Variants in PHF8 observed in about 807,000 individuals in gnomAD.
PHF8 encodes the protein PHD finger protein 8.
Under a neutral mutation model 74.4 loss-of-function variants are expected in PHF8, and 9 were observed. The ratio of observed to expected loss-of-function variants is 0.12; its 90% CI spans 0.07 to 0.21. PHF8 has a LOEUF of 0.21. Among genes scored for constraint, PHF8 ranks in the 10% least tolerant of loss-of-function variants. The pLI is 1.00. For missense variants in PHF8, 478 were observed against 816.6 expected (o/e 0.59, Z 5.05); for synonymous variants, 311 against 316.6 (o/e 0.98, Z 0.19).
chrX:53,977,116 C>T (rs2065391350), intron 18 of PHF8, among the ~76,000 whole-genome samples: 1 of 111,821 alleles, frequency 8.9e-6, no homozygotes, highest in Non-Finnish European at 1.9e-5. Flanking sequence ...GGGTGGATTA[C>T]TTAAGGTCAG....
intron 19 of PHF8, among the ~76,000 whole-genome samples, chrX:53,957,283 G>A (rs2065029279): frequency 9.1e-6 from 1 of 110,421 alleles, no homozygotes; most frequent in South Asian, 3.9e-4. Flanking sequence ...AACCCAGGAG[G>A]CGGAGGTTGC....
At chrX:54,036,751 C>T (rs1603344615) in intron 2 of PHF8, among the ~76,000 whole-genome samples, 1 of 109,194 alleles carries the variant, frequency 9.2e-6, no homozygotes, top group South Asian at 3.9e-4. Flanking sequence ...GTAATCCCAA[C>T]ACTTTGGGAG....
rs781891505 is a variant in PHF8, at chrX:54,029,558, T to C, written c.99-6715A>G. Reference sequence around the variant, plus strand: ...CCATGGTCTCTCTCTCAACTTACCATGCAGTTTTAATATGCTATTTACTGT... The same window carrying C: ...CCATGGTCTCTCTCTCAACTTACCACGCAGTTTTAATATGCTATTTACTGT... On this transcript the variant is annotated intron_variant, in intron 2 of 21. Coordinates refer to ENST00000338154, the MANE Select transcript of PHF8 (RefSeq NM_015107.3). 1.3e-3 allele frequency among the ~76,000 whole-genome samples: 149 copies of C among 112,484 alleles called. 1 individual carries two copies. The highest frequency in any genetic ancestry group is 3.8e-3 in the Admixed American group (41 of 10,660).
intron 2 of PHF8, among the ~76,000 whole-genome samples, chrX:54,030,771 T>G (rs781969303): frequency 8.9e-6 from 1 of 112,154 alleles, no homozygotes; most frequent in East Asian, 2.8e-4. Flanking sequence ...AGGTTTAAAG[T>G]ACAGGCTTAG....
At chrX:53,980,296 A>G (rs2065459281) in intron 18 of PHF8, among the ~76,000 whole-genome samples, 1 of 111,651 alleles carries the variant, frequency 9.0e-6, no homozygotes, top group South Asian at 3.8e-4. Flanking sequence ...TAATTAAGTT[A>G]AAATGAGACC....
At chrX:53,980,206 T>C (rs1361068432) in intron 18 of PHF8, among the ~76,000 whole-genome samples, 1 of 110,999 alleles carries the variant, frequency 9.0e-6, no homozygotes, top group Non-Finnish European at 1.9e-5. Flanking sequence ...TTGAATGGTG[T>C]CCCCTAAAAT....
intron 20 of PHF8, among the ~76,000 whole-genome samples, chrX:53,942,230 C>T (rs2064762779): frequency 9.0e-6 from 1 of 111,711 alleles, no homozygotes; most frequent in East Asian, 2.8e-4. Context: ...TTACACTTAG[C>T]CAACCCATAA....
intron 10 of PHF8, among the ~76,000 whole-genome samples, chrX:54,001,659 G>A (rs1436557654): frequency 8.9e-6 from 1 of 112,352 alleles, no homozygotes; most frequent in Non-Finnish European, 1.9e-5. Context: ...GCTCATGCCT[G>A]TAACCCCAGC....
At chrX:53,997,645 C>T (rs1212280756) in intron 11 of PHF8, among the ~76,000 whole-genome samples, 3 of 111,783 alleles carry the variant, frequency 2.7e-5, no homozygotes, top group African/African-American at 9.8e-5. Flanking sequence ...CTACTCTACT[C>T]CAGCTCCCAC....
Position 53,993,806 on chromosome X carries a change from G to C in PHF8, c.1421C>G (p.Ser474Cys). The C allele has an allele frequency of 8.3e-7, 1 of 1,208,220 alleles. No homozygotes were observed. The highest frequency in any genetic ancestry group is 1.1e-6 in the Non-Finnish European group (1 of 891,975). ...CAGCCTGGACATGGACACTGAAGTG[G>C]AATGGGCTGGCCTGGTTAGGGGAAT... ...GSIPLTRPAH[S>C]TSVSMSRLSL... Residue 474 changes from serine to cysteine, a missense_variant, in exon 13 of 22, where the codon TCC (serine) becomes TGC (cysteine). Transcript: ENST00000338154.
intron 19 of PHF8, among the ~76,000 whole-genome samples, chrX:53,960,200 C>T (rs1426734374): frequency 9.3e-6 from 1 of 107,909 alleles, no homozygotes; most frequent in African/African-American, 3.4e-5. Flanking sequence ...CTCAGCCTCC[C>T]GAGTAGCTGG....
chrX:53,984,222 C>T (rs1557098806), intron 18 of PHF8, among the ~76,000 whole-genome samples: 2 of 111,196 alleles, frequency 1.8e-5, no homozygotes, highest in African/African-American at 6.5e-5. Context: ...AAAAATTAGC[C>T]AGGCGTGATA....
At position 53,993,817 on chromosome X, in the gene PHF8, C is replaced by G; in HGVS notation, c.1410G>C (p.Arg470Ser). 8.3e-7 allele frequency: 1 copy of G among 1,207,656 alleles called. No individual in the cohort carries two copies. The highest frequency in any genetic ancestry group is 1.1e-6 in the Non-Finnish European group (1 of 891,640). Residue 470 changes from arginine to serine, a missense_variant, in exon 13 of 22, where the codon AGG becomes AGC. Arg to Ser is a moderately radical substitution (Grantham distance 110). Around this residue, in one of 9 missense-constraint regions of PHF8, gnomAD observed 153 missense variants for 164.8 expected, o/e 0.93. Transcript: ENST00000338154. ...TGGACACTGAAGTGGAATGGGCTGG[C>G]CTGGTTAGGGGAATGGAGCCGGCTG... ...IFPAGSIPLT[R>S]PAHSTSVSMS...
At chrX:53,998,463 TAAATAAAATA>T (rs373368055) in intron 11 of PHF8, among the ~76,000 whole-genome samples, 21 of 109,119 alleles carry the variant, frequency 1.9e-4, no homozygotes, top group Admixed American at 3.0e-4. Context: ...CATAAATAAA[TAAATAAAATA>T]AAATAAAATA....
chrX:54,026,091 C>T (rs888350222), intron 2 of PHF8, among the ~76,000 whole-genome samples: 6 of 111,633 alleles, frequency 5.4e-5, no homozygotes, highest in Non-Finnish European at 1.1e-4. Context: ...CGGTGGCTCA[C>T]GCCTGTAATC....
chrX:53,995,581 G>A (rs2065733983), intron 12 of PHF8, 112 bp downstream of exon 12: 1 of 518,514 alleles, frequency 1.9e-6, no homozygotes, highest in Non-Finnish European at 3.5e-6. Flanking sequence ...TCTTTGGTAG[G>A]GTCTTCCCGA....
intron 20 of PHF8, chrX:53,943,307 T>G: frequency 2.2e-6 from 2 of 905,396 alleles, no homozygotes; most frequent in Non-Finnish European, 3.1e-6. Flanking sequence ...GAAAGTAATA[T>G]GAAATTTGAA....
At chrX:53,952,621 C>T (rs782087938) in intron 19 of PHF8, among the ~76,000 whole-genome samples, 4 of 110,825 alleles carry the variant, frequency 3.6e-5, no homozygotes, top group East Asian at 2.8e-4. Context: ...CGGTGGCTCA[C>T]GCCTGTAATC....
chrX:54,037,239 T>G (rs149330019), intron 2 of PHF8, among the ~76,000 whole-genome samples: 2,133 of 111,289 alleles, frequency 0.019, 49 homozygotes, highest in African/African-American at 0.066. Context: ...GACAAATTTT[T>G]TTTGTTTGTT....
Sources: allele counts gnomAD v4.1 joint callset (sites outside exome capture counted in the v4.1 genomes callset), GRCh38; gene constraint gnomAD v4.1.1; regional missense constraint gnomAD v4.1.1; transcripts MANE v1.5; gene names NCBI Gene and HGNC (gene_info 2026-07-23, HGNC 2026-07-21).